The following DTNB variants were observed in gnomAD, a reference collection of about 807,000 sequenced individuals.
DTNB encodes the protein DTN-B.
A neutral mutation model predicts 90.7 loss-of-function variants in DTNB; 63 were observed. The ratio of observed to expected loss-of-function variants is 0.69; its 90% CI spans 0.57 to 0.86. The LOEUF is 0.86. Among genes scored for constraint, DTNB ranks in the 40% least tolerant of loss-of-function variants. The probability of loss-of-function intolerance (pLI) is 0.00; values close to 1 mark genes in which losing one functional copy is unlikely to be tolerated. For missense variants in DTNB, 744 were observed against 807.1 expected (o/e 0.92, Z 0.95); for synonymous variants, 277 against 286.7 (o/e 0.97, Z 0.34).
At chr2:25,422,487 C>T (rs2050106970) in intron 15 of DTNB, among the ~76,000 whole-genome samples, 1 of 143,036 alleles carries the variant, frequency 7.0e-6, no homozygotes, top group Non-Finnish European at 1.5e-5. Flanking sequence ...CTCAGTGTGA[C>T]CTCCGCCTCC....
rs1199758710 is a variant in DTNB, at chr2:25,589,378, T to C, written c.603+6708A>G. Among the ~76,000 whole-genome samples the C allele has an allele frequency of 7.3e-4, 80 of 109,818 alleles. 1 individual carries two copies. Among genetic ancestry groups the C allele is most frequent in the African/African-American group, 2.7e-3 (75 of 27,682 alleles). 72.0% of individuals were successfully genotyped at this position (109,818 alleles called of 152,430 possible). A position where few individuals can be genotyped will look rare whatever the true frequency, so the allele number is the denominator to read the frequency against. Reference sequence around the variant, plus strand: ...TTTCTTTTTCTTTTCTTTTTTTTTTTTTTTTTTTTTTTTTTTTTTTGAGAT... The same window carrying C: ...TTTCTTTTTCTTTTCTTTTTTTTTTCTTTTTTTTTTTTTTTTTTTTGAGAT... On this transcript the variant is annotated intron_variant, in intron 6 of 20. Transcript: ENST00000406818.
intron 15 of DTNB, chr2:25,426,816 C>T (rs2051827571): frequency 6.6e-6 from 1 of 152,150 alleles, no homozygotes; most frequent in Non-Finnish European, 1.5e-5. Flanking sequence ...CTCTGTACTA[C>T]TTATTGAAAT....
chr2:25,429,898 C>T (rs2053278852), intron 14 of DTNB, among the ~76,000 whole-genome samples: 1 of 152,150 alleles, frequency 6.6e-6, no homozygotes, highest in South Asian at 2.1e-4. Context: ...AGTTCCAAGA[C>T]TCTTTCCCTT....
chr2:25,543,393 C>T (rs1268413102), intron 8 of DTNB, among the ~76,000 whole-genome samples: 1 of 151,906 alleles, frequency 6.6e-6, no homozygotes, highest in Non-Finnish European at 1.5e-5. Context: ...GCAACCTCTG[C>T]CTCCCGGGTT....
intron 10 of DTNB, among the ~76,000 whole-genome samples, chr2:25,462,589 T>C (rs910317677): frequency 1.3e-5 from 2 of 152,230 alleles, no homozygotes; most frequent in African/African-American, 4.8e-5. Context: ...GTTGGGAAGA[T>C]TGGATAAAAT....
chr2:25,669,163 G>A (rs1412808246), intron 1 of DTNB, among the ~76,000 whole-genome samples: 2 of 152,158 alleles, frequency 1.3e-5, no homozygotes. Flanking sequence ...AGTTTCAGTT[G>A]GGGATGATGA....
intron 12 of DTNB, among the ~76,000 whole-genome samples, chr2:25,443,865 C>G (rs903735926): frequency 6.6e-6 from 1 of 152,132 alleles, no homozygotes; most frequent in Non-Finnish European, 1.5e-5. Flanking sequence ...AGGTTTGGAG[C>G]CATTACATGT....
chr2:25,616,988 T>C (rs2070902900), intron 4 of DTNB, among the ~76,000 whole-genome samples: 1 of 150,134 alleles, frequency 6.7e-6, no homozygotes, highest in African/African-American at 2.5e-5. Flanking sequence ...CAATTAAGTA[T>C]TGCCAGTAAT....
chr2:25,654,360 G>A (rs766827700), intron 1 of DTNB, among the ~76,000 whole-genome samples: 4 of 152,162 alleles, frequency 2.6e-5, no homozygotes, highest in Non-Finnish European at 5.9e-5. Context: ...TGTCACAACT[G>A]GGAGGGTGCT....
intron 8 of DTNB, among the ~76,000 whole-genome samples, chr2:25,547,892 T>C (rs566447266): frequency 2.6e-5 from 4 of 152,334 alleles, no homozygotes; most frequent in Admixed American, 1.3e-4. Context: ...AATTTGGTAA[T>C]ACCTATTTTC....
At chr2:25,495,831 G>C (rs1208781989) in intron 9 of DTNB, among the ~76,000 whole-genome samples, 1 of 152,150 alleles carries the variant, frequency 6.6e-6, no homozygotes, top group Non-Finnish European at 1.5e-5. Flanking sequence ...CCTACAATGA[G>C]GTTTCTGACT....
intron 9 of DTNB, among the ~76,000 whole-genome samples, chr2:25,502,511 T>C (rs1273993130): frequency 2.0e-5 from 3 of 151,922 alleles, no homozygotes; most frequent in Middle Eastern, 3.4e-3. Context: ...GGCAGGAAGA[T>C]CGCGAGGATC....
At chr2:25,423,041 T>A (rs1283452566) in intron 15 of DTNB, among the ~76,000 whole-genome samples, 2 of 151,998 alleles carry the variant, frequency 1.3e-5, no homozygotes, top group African/African-American at 4.8e-5. Flanking sequence ...AATACAAAAA[T>A]CAGCTGGTTG....
intron 9 of DTNB, among the ~76,000 whole-genome samples, chr2:25,529,731 T>C (rs554868104): frequency 2.0e-5 from 3 of 152,326 alleles, no homozygotes; most frequent in African/African-American, 4.8e-5. Flanking sequence ...AGACAGTAAC[T>C]GCACAAAAGG....
intron 8 of DTNB, among the ~76,000 whole-genome samples, chr2:25,555,087 G>A (rs137892432): frequency 0.013 from 2,043 of 152,040 alleles, 31 homozygotes; most frequent in African/African-American, 0.047. Context: ...ACGAAGTCAG[G>A]AGATCGAGAC....
At chr2:25,554,710 T>C (rs1408674791) in intron 8 of DTNB, among the ~76,000 whole-genome samples, 1 of 152,156 alleles carries the variant, frequency 6.6e-6, no homozygotes, top group African/African-American at 2.4e-5. Context: ...TATATGGCAC[T>C]GAAAATAACC....
At chr2:25,575,317 G>T (rs1395019898) in intron 8 of DTNB, among the ~76,000 whole-genome samples, 1 of 149,710 alleles carries the variant, frequency 6.7e-6, no homozygotes, top group Non-Finnish European at 1.5e-5. Flanking sequence ...AAAGCAAAAA[G>T]AAACAATTTG....
intron 18 of DTNB, 122 bp from the exon 19 acceptor site, chr2:25,384,011 GC>G: frequency 6.4e-7 from 1 of 1,563,980 alleles, no homozygotes; most frequent in Non-Finnish European, 8.6e-7. Flanking sequence ...CTGGCTGCAG[GC>G]CTCTGAGGGT....
At chr2:25,671,314 G>A (rs976464863) in intron 1 of DTNB, among the ~76,000 whole-genome samples, 3 of 152,102 alleles carry the variant, frequency 2.0e-5, no homozygotes, top group Non-Finnish European at 4.4e-5. Flanking sequence ...TCATCCAACC[G>A]CACACGGGAA....
Sources: allele counts gnomAD v4.1 joint callset (sites outside exome capture counted in the v4.1 genomes callset), GRCh38; gene constraint gnomAD v4.1.1; transcripts MANE v1.5; gene names NCBI Gene and HGNC (gene_info 2026-07-23, HGNC 2026-07-21).